The following CCSER1 variants were observed in gnomAD, a reference collection of about 807,000 sequenced individuals.
CCSER1 encodes the protein serine-rich coiled-coil domain-containing protein 1.
CCSER1 carries 41 observed loss-of-function variants against 82.0 expected under a neutral mutation model. The ratio of observed to expected loss-of-function variants is 0.50; its 90% CI spans 0.39 to 0.65. The LOEUF is 0.65. Ranked by LOEUF, CCSER1 falls within the 30% of genes least tolerant of loss-of-function variation. The pLI, the probability that CCSER1 is intolerant of heterozygous loss-of-function variation, is 0.00. For synonymous variants in CCSER1, 414 were observed against 383.9 expected, an observed-to-expected ratio of 1.08 and a Z score of -0.92; for missense variants, 1,119 against 1,064.2, an observed-to-expected ratio of 1.05 and a Z score of -0.72.
chr4:91,464,601 G>A (rs1467662419), intron 10 of CCSER1, among the ~76,000 whole-genome samples: 1 of 152,118 alleles, frequency 6.6e-6, no homozygotes, highest in African/African-American at 2.4e-5. Context: ...GCTGTATTCA[G>A]GAAATCCATC....
chr4:91,187,220 C>T (rs1734627750), intron 10 of CCSER1, among the ~76,000 whole-genome samples: 1 of 152,224 alleles, frequency 6.6e-6, no homozygotes, highest in Non-Finnish European at 1.5e-5. Flanking sequence ...GCAGAAATCA[C>T]CCACTTCTGC....
At chr4:90,941,082 A>G (rs1033040868) in intron 9 of CCSER1, among the ~76,000 whole-genome samples, 1 of 152,144 alleles carries the variant, frequency 6.6e-6, no homozygotes, top group African/African-American at 2.4e-5. Context: ...TTACTATGTG[A>G]ATGCTACCTA....
At chr4:91,331,010 T>C (rs758546011) in intron 10 of CCSER1, among the ~76,000 whole-genome samples, 1 of 152,130 alleles carries the variant, frequency 6.6e-6, no homozygotes, top group Non-Finnish European at 1.5e-5. Context: ...CCTGCTGTTA[T>C]TATACAGGAA....
At chr4:90,192,944 A>T (rs568094916) in intron 1 of CCSER1, among the ~76,000 whole-genome samples, 1 of 152,082 alleles carries the variant, frequency 6.6e-6, no homozygotes, top group Non-Finnish European at 1.5e-5. Context: ...TCCTTTCCAG[A>T]GAACAGCTTG....
At chr4:90,460,066 C>T (rs1762683598) in intron 4 of CCSER1, among the ~76,000 whole-genome samples, 1 of 146,246 alleles carries the variant, frequency 6.8e-6, no homozygotes, top group African/African-American at 2.8e-5. Flanking sequence ...GTGGCTCACG[C>T]CTGTAATCCC....
chr4:91,600,726 C>T lies in CCSER1; in HGVS notation c.*1669C>T, dbSNP rs1764787554. The T allele has an allele frequency of 6.6e-6, 1 of 152,104 alleles. No homozygotes were observed. The highest frequency in any genetic ancestry group is 2.4e-5 in the African/African-American group (1 of 41,436). 9.4% of individuals were successfully genotyped at this position (152,104 alleles called of 1,614,324 possible). A position where few individuals can be genotyped will look rare whatever the true frequency, so the allele number is the denominator to read the frequency against. On this transcript the variant is annotated 3_prime_UTR_variant, in exon 11 of 11. Transcript: ENST00000509176. Reference sequence around the variant, plus strand: ...GATTGGAACTGATAAAGTAAGGAGTCGAGTGGATATGTTGTACTTGTAATT... The same window carrying T: ...GATTGGAACTGATAAAGTAAGGAGTTGAGTGGATATGTTGTACTTGTAATT...
At chr4:91,497,360 A>G (rs1260173495) in intron 10 of CCSER1, among the ~76,000 whole-genome samples, 2 of 151,776 alleles carry the variant, frequency 1.3e-5, no homozygotes, top group African/African-American at 4.8e-5. Flanking sequence ...TCTAAAAAAA[A>G]TACTGGTGCT....
chr4:90,271,866 T>A lies in CCSER1; in HGVS notation c.-41-36378T>A, dbSNP rs866558817. Among the ~76,000 whole-genome samples the A allele has an allele frequency of 9.5e-3, 521 of 54,842 alleles. 6 individuals carry two copies. Among genetic ancestry groups the A allele is most frequent in the African/African-American group, 0.021 (206 of 9,720 alleles). 36.0% of individuals were successfully genotyped at this position (54,842 alleles called of 152,430 possible). On this transcript the variant is annotated intron_variant, in intron 1 of 10. Coordinates refer to ENST00000509176, the MANE Select transcript of CCSER1 (RefSeq NM_001145065.2). ...TATATATATATATATATATATATTTTTTTTTTTTTTTTTTTTTTTTTTTTA... is the reference window on the plus strand; with the variant it reads ...TATATATATATATATATATATATTTATTTTTTTTTTTTTTTTTTTTTTTTA...
intron 8 of CCSER1, among the ~76,000 whole-genome samples, chr4:90,899,059 G>A (rs1345187227): frequency 6.6e-6 from 1 of 151,794 alleles, no homozygotes; most frequent in Non-Finnish European, 1.5e-5. Flanking sequence ...AACAACATTG[G>A]TTTGTTCTAT....
chr4:90,750,545 G>A (rs577726044), intron 7 of CCSER1, among the ~76,000 whole-genome samples: 27 of 152,216 alleles, frequency 1.8e-4, no homozygotes, highest in East Asian at 3.9e-4. Flanking sequence ...CAGTGTATGC[G>A]TTTATTTTTT....
At chr4:90,363,816 G>A (rs193211728) in intron 3 of CCSER1, among the ~76,000 whole-genome samples, 1 of 152,010 alleles carries the variant, frequency 6.6e-6, no homozygotes, top group East Asian at 1.9e-4. Context: ...TTTCTGTAGT[G>A]GTCTGATGTT....
At chr4:90,498,302 A>C (rs1445840052) in intron 5 of CCSER1, among the ~76,000 whole-genome samples, 4 of 152,202 alleles carry the variant, frequency 2.6e-5, no homozygotes, top group African/African-American at 9.6e-5. Context: ...CTCTCTTTCA[A>C]AATATCTTAT....
At chr4:91,347,790 GA>G (rs1157734475) in intron 10 of CCSER1, among the ~76,000 whole-genome samples, 3 of 151,090 alleles carry the variant, frequency 2.0e-5, no homozygotes, top group East Asian at 3.9e-4. Context: ...CTAGTATTAA[GA>G]AAAAAATTGA....
chr4:90,734,115 T>C (rs1007078345), intron 7 of CCSER1, among the ~76,000 whole-genome samples: 1 of 143,910 alleles, frequency 6.9e-6, no homozygotes, highest in Non-Finnish European at 1.5e-5. Context: ...TTTTATTAAT[T>C]TAATTTAATT....
Position 90,400,114 on chromosome 4 carries a change from A to T in CCSER1, c.1588A>T (p.Ser530Cys), listed in dbSNP as rs1403548129. 3.1e-6 allele frequency: 5 copies of T among 1,589,340 alleles called. 1 individual carries two copies. Among genetic ancestry groups the T allele is most frequent in the Middle Eastern group, 1.7e-4 (1 of 6,016 alleles). ...TGATCTTGAATTTTTAGAGGAACAGAGTCTTCACCCTTCTGGTAAGTGTTA... is the reference window on the plus strand; with the variant it reads ...TGATCTTGAATTTTTAGAGGAACAGTGTCTTCACCCTTCTGGTAAGTGTTA... ...MLDLEFLEEQ[S>C]LHPSVCREDS... The change falls in exon 4 of 11, where the codon AGT becomes TGT. Residue 530 changes from serine to cysteine, a missense_variant. Coordinates refer to ENST00000509176, the MANE Select transcript of CCSER1 (RefSeq NM_001145065.2).
intron 10 of CCSER1, among the ~76,000 whole-genome samples, chr4:91,461,539 C>G (rs1344679868): frequency 6.6e-6 from 1 of 152,074 alleles, no homozygotes; most frequent in Non-Finnish European, 1.5e-5. Flanking sequence ...AACCCCTTAC[C>G]AGGACGTCCT....
At chr4:90,483,702 C>A (rs567862128) in intron 5 of CCSER1, among the ~76,000 whole-genome samples, 25 of 152,296 alleles carry the variant, frequency 1.6e-4, no homozygotes, top group African/African-American at 5.8e-4. Flanking sequence ...ATATTGGCCC[C>A]CACTCTCTTC....
intron 1 of CCSER1, among the ~76,000 whole-genome samples, chr4:90,146,894 T>A (rs1010272333): frequency 6.6e-6 from 1 of 152,110 alleles, no homozygotes; most frequent in Non-Finnish European, 1.5e-5. Context: ...TTGAAGACAC[T>A]ATGATATTCT....
intron 1 of CCSER1, among the ~76,000 whole-genome samples, chr4:90,169,843 C>A (rs755541368): frequency 6.6e-6 from 1 of 151,698 alleles, no homozygotes; most frequent in Non-Finnish European, 1.5e-5. Flanking sequence ...ATCTAGTGTC[C>A]CTCTCACGTT....
Sources: allele counts gnomAD v4.1 joint callset (sites outside exome capture counted in the v4.1 genomes callset), GRCh38; gene constraint gnomAD v4.1.1; transcripts MANE v1.5; gene names NCBI Gene and HGNC (gene_info 2026-07-23, HGNC 2026-07-21).